The following TTC29 variants were observed in gnomAD, a reference collection of about 807,000 sequenced individuals.
The protein encoded by TTC29 is tetratricopeptide repeat protein 29.
A neutral mutation model predicts 58.1 loss-of-function variants in TTC29; 49 were observed. The ratio of observed to expected loss-of-function variants is 0.84; its 90% CI spans 0.67 to 1.07. TTC29 has a LOEUF of 1.07. Among genes scored for constraint, TTC29 ranks in the 50% least tolerant of loss-of-function variants. The pLI is 0.00. For missense variants in TTC29, 582 were observed against 555.6 expected, an observed-to-expected ratio of 1.05 and a Z score of -0.48; for synonymous variants, 209 against 196.8, an observed-to-expected ratio of 1.06 and a Z score of -0.52.
chr4:146,728,827 A>ATATATACACATATATATGTG (rs1561066581), intron 11 of TTC29, among the ~76,000 whole-genome samples: 1 of 67,744 alleles, frequency 1.5e-5, no homozygotes, highest in Non-Finnish European at 3.2e-5. Context: ...GTATATATAC[A>ATATATACACATATATATGTG]TATATATACA....
rs373916888 is a variant in TTC29, at chr4:146,707,155, G to T, written c.*3C>A. 6.6e-7 allele frequency: 1 copy of T among 1,526,696 alleles called. No individual in the cohort carries two copies. The highest frequency in any genetic ancestry group is 1.4e-5 in the African/African-American group (1 of 72,360). The allele number at this position is 1,526,696 out of a possible 1,614,324, so 94.6% of individuals were successfully genotyped here. The stretch of plus-strand genomic sequence containing the variant: ...TTGCTTTGATGTTAAGTGAAAAGCT[G>T]CTTTAAGTTTCATTTTTTTGATCAC... On this transcript the variant is annotated 3_prime_UTR_variant, in exon 13 of 13. Transcript: ENST00000325106.
intron 4 of TTC29, among the ~76,000 whole-genome samples, chr4:146,909,900 T>C (rs941683732): frequency 2.0e-5 from 3 of 152,204 alleles, no homozygotes; most frequent in East Asian, 1.9e-4. Context: ...CTAGACCAAA[T>C]AGATTCCATA....
chr4:146,832,698 G>A (rs1238857213), intron 9 of TTC29, among the ~76,000 whole-genome samples: 1 of 151,818 alleles, frequency 6.6e-6, no homozygotes, highest in Non-Finnish European at 1.5e-5. Flanking sequence ...CACCATGTTG[G>A]CCAGGCTGGT....
intron 9 of TTC29, among the ~76,000 whole-genome samples, chr4:146,827,083 C>T (rs117798217): frequency 6.6e-6 from 1 of 152,042 alleles, no homozygotes; most frequent in African/African-American, 2.4e-5. Flanking sequence ...TATTACCTAT[C>T]TTCTGTAGCC....
chr4:146,904,035 A>T (rs1309765836), intron 5 of TTC29, among the ~76,000 whole-genome samples: 1 of 152,186 alleles, frequency 6.6e-6, no homozygotes, highest in Non-Finnish European at 1.5e-5. Flanking sequence ...CCTACTAGCA[A>T]CATGCTGAGT....
At chr4:146,806,872 T>A (rs1242634332) in intron 10 of TTC29, among the ~76,000 whole-genome samples, 7 of 152,124 alleles carry the variant, frequency 4.6e-5, no homozygotes, top group Middle Eastern at 3.2e-3. Context: ...TGAACTCAGC[T>A]GTGGACCAAG....
intron 8 of TTC29, among the ~76,000 whole-genome samples, chr4:146,848,456 A>G (rs1561185341): frequency 6.6e-6 from 1 of 152,212 alleles, no homozygotes; most frequent in Non-Finnish European, 1.5e-5. Context: ...AGTTTTAAAT[A>G]TTAATATTCA....
chr4:146,785,287 A>G (rs1311297580), intron 11 of TTC29, among the ~76,000 whole-genome samples: 2 of 151,370 alleles, frequency 1.3e-5, no homozygotes, highest in African/African-American at 4.9e-5. Context: ...CTGCCTCCCA[A>G]GTTCAAGCGA....
At chr4:146,774,256 T>C (rs1747934274) in intron 11 of TTC29, among the ~76,000 whole-genome samples, 1 of 152,204 alleles carries the variant, frequency 6.6e-6, no homozygotes, top group African/African-American at 2.4e-5. Context: ...TAGTTATTTC[T>C]TGTTTTCTGC....
At chr4:146,841,183 C>T (rs1315333683) in intron 8 of TTC29, among the ~76,000 whole-genome samples, 1 of 152,074 alleles carries the variant, frequency 6.6e-6, no homozygotes, top group Non-Finnish European at 1.5e-5. Context: ...ACTTTCTGAG[C>T]ACCTCAACAT....
intron 8 of TTC29, among the ~76,000 whole-genome samples, chr4:146,855,067 T>A (rs1045871014): frequency 1.3e-5 from 2 of 151,862 alleles, no homozygotes; most frequent in Non-Finnish European, 2.9e-5. Flanking sequence ...AAGGTTGAGA[T>A]GGGTGATTCG....
intron 6 of TTC29, among the ~76,000 whole-genome samples, chr4:146,888,399 T>G (rs1450727809): frequency 6.6e-6 from 1 of 152,088 alleles, no homozygotes; most frequent in African/African-American, 2.4e-5. Flanking sequence ...ACATGGAGCT[T>G]CTCACCCCTG....
intron 2 of TTC29, among the ~76,000 whole-genome samples, chr4:146,943,776 T>G (rs1375052397): frequency 6.6e-6 from 1 of 152,202 alleles, no homozygotes; most frequent in Admixed American, 6.5e-5. Context: ...TTGCAGTACT[T>G]CCATTAAATT....
Position 146,747,235 on chromosome 4 carries a change from G to C in TTC29, c.1331-39684C>G, listed in dbSNP as rs201314984. On this transcript the variant is annotated intron_variant, in intron 11 of 12. Coordinates refer to ENST00000325106, the MANE Select transcript of TTC29 (RefSeq NM_031956.4). ...AGAGAAGGAGCTCATGATGTGTCCT[G>C]CTGTGTCCCCCACCTGGGTCACACT... Among the ~76,000 whole-genome samples, 4 of 152,128 alleles carry C rather than the reference G, an allele frequency of 2.6e-5. No individual in the cohort carries two copies. In the East Asian group the frequency reaches 7.7e-4, roughly 29 times the overall value.
At chr4:146,864,611 C>A (rs1242268282) in intron 8 of TTC29, among the ~76,000 whole-genome samples, 2 of 152,166 alleles carry the variant, frequency 1.3e-5, no homozygotes, top group Non-Finnish European at 2.9e-5. Flanking sequence ...AAGGCATCAG[C>A]AGGGCTGTGA....
rs936346964 is a variant in TTC29 at position 146,737,600 on chromosome 4, G to C, written c.1331-30049C>G. On this transcript the variant is annotated intron_variant, in intron 11 of 12. Coordinates refer to ENST00000325106, the MANE Select transcript of TTC29 (RefSeq NM_031956.4). ...TGATGCTAGTAGCCCTGGGGGGGGGGGGGCTACAAACGGGTCTTGACAGGA... is the reference window on the plus strand; with the variant it reads ...TGATGCTAGTAGCCCTGGGGGGGGGCGGGCTACAAACGGGTCTTGACAGGA... Among the ~76,000 whole-genome samples the C allele has an allele frequency of 8.1e-5, 12 of 147,514 alleles. 1 individual carries two copies. Among genetic ancestry groups the C allele is most frequent in the South Asian group, 2.2e-4 (1 of 4,468 alleles).
At chr4:146,835,073 C>T (rs900743567) in intron 8 of TTC29, among the ~76,000 whole-genome samples, 3 of 152,180 alleles carry the variant, frequency 2.0e-5, no homozygotes, top group African/African-American at 7.2e-5. Flanking sequence ...TCTATCACCT[C>T]ACCAAATTAC....
intron 11 of TTC29, among the ~76,000 whole-genome samples, chr4:146,723,341 A>G (rs371081952): frequency 2.6e-5 from 4 of 152,188 alleles, no homozygotes; most frequent in Admixed American, 6.5e-5. Flanking sequence ...GAAATAATTT[A>G]TGACTCAGTC....
chr4:146,896,562 A>G (rs1732781911), intron 6 of TTC29, among the ~76,000 whole-genome samples: 1 of 152,300 alleles, frequency 6.6e-6, no homozygotes, highest in East Asian at 1.9e-4. Context: ...AGCTATTTTA[A>G]TGTGCATATT....
Sources: allele counts gnomAD v4.1 joint callset (sites outside exome capture counted in the v4.1 genomes callset), GRCh38; gene constraint gnomAD v4.1.1; transcripts MANE v1.5; gene names NCBI Gene and HGNC (gene_info 2026-07-23, HGNC 2026-07-21).